Variants in ACAD9 observed in about 807,000 individuals in gnomAD.
ACAD9 encodes complex I assembly factor ACAD9, mitochondrial.
In ACAD9, 53 loss-of-function variants were observed where a neutral mutation model predicts 70.2. The ratio of observed to expected loss-of-function variants is 0.75; its 90% CI spans 0.61 to 0.95. The LOEUF is 0.95. Among genes scored for constraint, ACAD9 ranks in the 40% least tolerant of loss-of-function variants. The pLI, the probability that ACAD9 is intolerant of heterozygous loss-of-function variation, is 0.00. For missense variants in ACAD9, 777 were observed against 802.8 expected (o/e 0.97, Z 0.39); for synonymous variants, 313 against 312.1 (o/e 1.00, Z -0.03).
Position 128,904,385 on chromosome 3 carries a change from G to T in ACAD9, c.1030-1G>T, listed in dbSNP as rs773586510. The T allele has an allele frequency of 1.1e-5, 18 of 1,614,134 alleles. No homozygotes were observed. Among genetic ancestry groups the T allele is most frequent in the Non-Finnish European group, 1.5e-5 (18 of 1,180,052 alleles). On this transcript the variant is annotated splice_acceptor_variant, in intron 10 of 17. Transcript: ENST00000308982. LOFTEE classifies it high-confidence loss of function. ...TCTTGTGTTTTTTCTGAACACTCCA[G>T]GAGAAATTTGCACTGATGGCTCAGA...
chr3:128,898,340 TTTTG>T (rs1166269492), intron 6 of ACAD9: 4 of 428,760 alleles, frequency 9.3e-6, no homozygotes, highest in Admixed American at 2.8e-5. Context: ...CAGGAGTTTT[TTTTG>T]TTTGTTTTTG....
intron 13 of ACAD9, 130 bp downstream of exon 13, chr3:128,908,394 A>G: frequency 8.8e-7 from 1 of 1,136,530 alleles, no homozygotes; most frequent in Admixed American, 1.8e-5. Flanking sequence ...AGCCTTGTGG[A>G]GGGGACCTTC....
Position 128,902,502 on chromosome 3 carries a change from C to T in ACAD9, c.883-51C>T. 6.2e-7 allele frequency: 1 copy of T among 1,603,780 alleles called. No homozygotes were observed. The highest frequency in any genetic ancestry group is 8.5e-7 in the Non-Finnish European group (1 of 1,170,634). ...ACCTGGCCTGGTTTCGTTGCGGCCT[C>T]CTCCCTCTGCCTCCTTCAGGGCCCC... On this transcript the variant is annotated intron_variant, in intron 8 of 17. Transcript: ENST00000308982. The surrounding 1 kb of genome is among the most constrained non-coding windows in gnomAD (Gnocchi z 4.0).
intron 11 of ACAD9, 55 bp from the exon 12 acceptor site, chr3:128,906,066 G>C (rs1242575519): frequency 6.2e-7 from 1 of 1,613,160 alleles, no homozygotes; most frequent in Non-Finnish European, 8.5e-7. Context: ...CAGCCACCCA[G>C]CTCCCTGCAG....
intron 9 of ACAD9, 76 bp from the exon 10 acceptor site, chr3:128,903,986 G>A: frequency 6.7e-7 from 1 of 1,490,650 alleles, no homozygotes; most frequent in Non-Finnish European, 9.3e-7. Context: ...GGAAGGGTAA[G>A]GATGATGGCC....
At chr3:128,910,360 G>A in intron 16 of ACAD9, 1 of 1,464,588 alleles carries the variant, frequency 6.8e-7, no homozygotes, top group South Asian at 1.4e-5. Context: ...TGAGTGACAG[G>A]GGTTCCTGAT....
intron 14 of ACAD9, 119 bp downstream of exon 14, chr3:128,909,218 A>G: frequency 6.3e-7 from 1 of 1,597,044 alleles, no homozygotes; most frequent in Non-Finnish European, 8.6e-7. Flanking sequence ...GGGGAACACC[A>G]GCTAGTCCAT....
At position 128,879,657 on chromosome 3, in the gene ACAD9, G is replaced by A. The variant is rs201480984; in HGVS notation, c.-35G>A. 5.7e-5 allele frequency: 91 copies of A among 1,609,562 alleles called. No homozygotes were observed. The African/African-American group carries it at 1.2e-3, about 20-fold the overall frequency. On this transcript the variant is annotated 5_prime_UTR_variant, in exon 1 of 18. Transcript: ENST00000308982. ...TGTGTCCCTGCGGCGCTAAGAAGGGGAGACTGAGGCTGAGGCTGGGGAACA... is the reference window on the plus strand; with the variant it reads ...TGTGTCCCTGCGGCGCTAAGAAGGGAAGACTGAGGCTGAGGCTGGGGAACA...
intron 10 of ACAD9, 122 bp downstream of exon 10, chr3:128,904,254 A>G: frequency 6.3e-7 from 1 of 1,586,896 alleles, no homozygotes; most frequent in Non-Finnish European, 8.6e-7. Context: ...TTAAGGCTTT[A>G]TTTGACACGG....
intron 6 of ACAD9, 90 bp downstream of exon 6, chr3:128,897,800 C>T (rs1156800086): frequency 8.4e-7 from 1 of 1,191,100 alleles, no homozygotes; most frequent in Non-Finnish European, 1.2e-6. Flanking sequence ...AGGGATTGTA[C>T]CTGCTGCTGT....
At chr3:128,889,704 A>G (rs151302331) in intron 2 of ACAD9, among the ~76,000 whole-genome samples, 1 of 152,198 alleles carries the variant, frequency 6.6e-6, no homozygotes, top group African/African-American at 2.4e-5. Flanking sequence ...ATGCTGAGTC[A>G]TATTTCTTTC....
At position 128,906,180 on chromosome 3, in the gene ACAD9, C is replaced by A. The variant is rs767772708; in HGVS notation, c.1209C>A (p.Gly403=). The A allele has an allele frequency of 6.2e-7, 1 of 1,614,228 alleles. No individual in the cohort carries two copies. The highest frequency in any genetic ancestry group is 2.2e-5 in the East Asian group (1 of 44,880). The change falls in exon 12 of 18, where the codon GGC becomes GGA. Residue 403 remains glycine, a synonymous_variant. Coordinates refer to ENST00000308982, the MANE Select transcript of ACAD9 (RefSeq NM_014049.5). Reference sequence around the variant, plus strand: ...GTGAGGCGCTGCAGATCCTCGGGGGCTTGGGCTACACAAGGGACTATCCGT... The same window carrying A: ...GTGAGGCGCTGCAGATCCTCGGGGGATTGGGCTACACAAGGGACTATCCGT... The part of the protein sequence containing the change: ...CVSEALQILG[G]LGYTRDYPYE...
intron 2 of ACAD9, among the ~76,000 whole-genome samples, chr3:128,885,046 AG>A (rs1045813905): frequency 2.0e-5 from 3 of 152,282 alleles, no homozygotes; most frequent in Non-Finnish European, 4.4e-5. Flanking sequence ...CAAAAAGCCA[AG>A]GCCACACACC....
intron 2 of ACAD9, among the ~76,000 whole-genome samples, chr3:128,889,623 T>G (rs1935359975): frequency 6.6e-6 from 1 of 152,228 alleles, no homozygotes; most frequent in South Asian, 2.1e-4. Flanking sequence ...ATGTGTGATT[T>G]TGTCTGGCTT....
At chr3:128,906,007 C>G in intron 11 of ACAD9, 114 bp from the exon 12 acceptor site, 9 of 1,450,658 alleles carry the variant, frequency 6.2e-6, no homozygotes, top group Non-Finnish European at 2.9e-6. Context: ...CCCTCAAGTT[C>G]CTCCCTGGCC....
intron 6 of ACAD9, among the ~76,000 whole-genome samples, chr3:128,898,666 C>G (rs1328446448): frequency 1.3e-5 from 2 of 152,120 alleles, no homozygotes; most frequent in Non-Finnish European, 1.5e-5. Context: ...TCCCAAAGTG[C>G]TGGGATTACA....
At position 128,912,723 on chromosome 3, in the gene ACAD9, C is replaced by A; in HGVS notation, c.*116C>A. ...TATCACAGGTTAAGCCTTTTGTTCC[C>A]CGTCTGCACCTGAAGGGTTGTCGCC... On this transcript the variant is annotated 3_prime_UTR_variant, in exon 18 of 18. Transcript: ENST00000308982. The A allele has an allele frequency of 1.0e-6, 1 of 979,816 alleles. No individual in the cohort carries two copies. Among genetic ancestry groups the A allele is most frequent in the Non-Finnish European group, 1.6e-6 (1 of 612,350 alleles). The allele number at this position is 979,816 out of a possible 1,614,324, so 60.7% of individuals were successfully genotyped here.
chr3:128,912,437 C>G, intron 17 of ACAD9, 70 bp from the exon 18 acceptor site: 6 of 1,423,122 alleles, frequency 4.2e-6, no homozygotes, highest in Non-Finnish European at 4.9e-6. Context: ...GAAAAATGCC[C>G]CCACTTCAGC....
At chr3:128,890,566 G>A (rs1935389921) in intron 2 of ACAD9, among the ~76,000 whole-genome samples, 1 of 151,822 alleles carries the variant, frequency 6.6e-6, no homozygotes, top group South Asian at 2.1e-4. Context: ...GCCGGGCGTG[G>A]TGGCAGGTGC....
Sources: allele counts gnomAD v4.1 joint callset (sites outside exome capture counted in the v4.1 genomes callset), GRCh38; gene constraint gnomAD v4.1.1; non-coding constraint Gnocchi (gnomAD v3.1); transcripts MANE v1.5; gene names NCBI Gene and HGNC (gene_info 2026-07-23, HGNC 2026-07-21).